AGBL1: variants seen among roughly 807,000 people sequenced by gnomAD.
AGBL1 encodes the protein AGBL carboxypeptidase 1, also known as cytosolic carboxypeptidase 4.
In AGBL1, 130 loss-of-function variants were observed where a neutral mutation model predicts 118.9. The ratio of observed to expected loss-of-function variants is 1.09; its 90% CI spans 0.95 to 1.26. AGBL1 has a LOEUF of 1.26. AGBL1 is among the 50% of genes most tolerant of loss of function. The probability of loss-of-function intolerance (pLI) is 0.00; values close to 1 mark genes in which losing one functional copy is unlikely to be tolerated. For synonymous variants in AGBL1, 555 were observed against 478.9 expected, an observed-to-expected ratio of 1.16 and a Z score of -2.08; for missense variants, 1,584 against 1,298.1, an observed-to-expected ratio of 1.22 and a Z score of -3.38.
chr15:86,824,014 G>C (rs764668911), intron 22 of AGBL1, among the ~76,000 whole-genome samples: 4 of 151,946 alleles, frequency 2.6e-5, no homozygotes, highest in Non-Finnish European at 5.9e-5. Context: ...TGATGATTGG[G>C]AACAAGGCAA....
chr15:86,460,854 T>C (rs2082326238), intron 18 of AGBL1, among the ~76,000 whole-genome samples: 2 of 152,184 alleles, frequency 1.3e-5, no homozygotes, highest in Admixed American at 1.3e-4. Context: ...CTCCAGTTCT[T>C]GTCTGTATAC....
At chr15:86,205,117 C>T (rs1203094513) in intron 5 of AGBL1, among the ~76,000 whole-genome samples, 1 of 152,170 alleles carries the variant, frequency 6.6e-6, no homozygotes, top group Admixed American at 6.5e-5. Flanking sequence ...GGGGTAATGT[C>T]ATCCTTTTCT....
intron 5 of AGBL1, among the ~76,000 whole-genome samples, chr15:86,179,606 G>A (rs758433040): frequency 1.1e-4 from 17 of 151,924 alleles, no homozygotes; most frequent in Non-Finnish European, 2.1e-4. Flanking sequence ...CATACTTCAT[G>A]GTTAAAAGAC....
At chr15:86,464,634 G>C (rs921625390) in intron 18 of AGBL1, among the ~76,000 whole-genome samples, 3 of 152,148 alleles carry the variant, frequency 2.0e-5, no homozygotes, top group Non-Finnish European at 4.4e-5. Flanking sequence ...AGTTTATTGA[G>C]AGTTTTTAGC....
chr15:86,897,876 C>T (rs548549490), intron 22 of AGBL1, among the ~76,000 whole-genome samples: 1 of 146,562 alleles, frequency 6.8e-6, no homozygotes, highest in South Asian at 2.2e-4. Context: ...CTCAGGTGAT[C>T]CTCCCACCTC....
chr15:86,981,070 A>G (rs1330063830), intron 23 of AGBL1, among the ~76,000 whole-genome samples: 1 of 151,966 alleles, frequency 6.6e-6, no homozygotes, highest in African/African-American at 2.4e-5. Flanking sequence ...TATTTTCAGT[A>G]GAGACAGGGT....
At chr15:86,935,523 A>G (rs2141643049) in intron 23 of AGBL1, among the ~76,000 whole-genome samples, 1 of 152,308 alleles carries the variant, frequency 6.6e-6, no homozygotes, top group Non-Finnish European at 1.5e-5. Flanking sequence ...GCTGGGGCAC[A>G]CAGCCTTCTT....
chr15:87,003,017 G>A (rs2081456917), intron 24 of AGBL1, among the ~76,000 whole-genome samples: 1 of 152,150 alleles, frequency 6.6e-6, no homozygotes, highest in Non-Finnish European at 1.5e-5. Context: ...ACACTATGTT[G>A]AATAGGAGTG....
intron 22 of AGBL1, among the ~76,000 whole-genome samples, chr15:86,779,076 C>T (rs2078296788): frequency 6.6e-6 from 1 of 152,178 alleles, no homozygotes; most frequent in South Asian, 2.1e-4. Flanking sequence ...TATGCACATC[C>T]CAGAAGTCTC....
chr15:86,930,032 C>T (rs936559981), intron 23 of AGBL1, among the ~76,000 whole-genome samples: 10 of 152,140 alleles, frequency 6.6e-5, no homozygotes, highest in African/African-American at 1.4e-4. Flanking sequence ...CAACAATCCA[C>T]GCTTGCTTGC....
intron 17 of AGBL1, among the ~76,000 whole-genome samples, chr15:86,358,506 C>A (rs1328078288): frequency 6.6e-6 from 1 of 151,962 alleles, no homozygotes; most frequent in Non-Finnish European, 1.5e-5. Context: ...GCAGATATCT[C>A]TTTGAGATCC....
chr15:86,410,540 C>T (rs2081592657), intron 18 of AGBL1, among the ~76,000 whole-genome samples: 1 of 151,702 alleles, frequency 6.6e-6, no homozygotes, highest in African/African-American at 2.4e-5. Flanking sequence ...CTAACCACTG[C>T]ACCTCACTTG....
intron 22 of AGBL1, among the ~76,000 whole-genome samples, chr15:86,675,243 T>C (rs1360343375): frequency 2.0e-5 from 3 of 152,100 alleles, no homozygotes; most frequent in Non-Finnish European, 4.4e-5. Context: ...TGAGGAGGCA[T>C]CTGGTCGTGC....
intron 16 of AGBL1, among the ~76,000 whole-genome samples, chr15:86,286,705 G>GTA (rs2079454450): frequency 8.7e-6 from 1 of 114,826 alleles, no homozygotes; most frequent in Non-Finnish European, 1.9e-5. Flanking sequence ...ATGTGTGTGT[G>GTA]TATATATATG....
rs144545754 is a variant in AGBL1, at chr15:86,423,603, G to A, written c.2555+26057G>A. Among the ~76,000 whole-genome samples, 482 of 152,272 alleles carry A rather than the reference G, an allele frequency of 3.2e-3. 1 individual carries two copies. Among genetic ancestry groups the A allele is most frequent in the African/African-American group, 0.011 (455 of 41,564 alleles). On this transcript the variant is annotated intron_variant, in intron 18 of 22. Coordinates refer to ENST00000614907, the MANE Select transcript of AGBL1 (RefSeq NM_001386094.1). The stretch of plus-strand genomic sequence containing the variant: ...GAAGAGAGGAAGTCAAATTGTCTCT[G>A]TTTGCAGATGACATGATTGTATATA...
At chr15:86,157,847 G>A (rs2141702904) in intron 4 of AGBL1, among the ~76,000 whole-genome samples, 1 of 152,280 alleles carries the variant, frequency 6.6e-6, no homozygotes, top group East Asian at 1.9e-4. Flanking sequence ...AGCTGCCGGA[G>A]CTCTAACCTC....
chr15:86,769,979 C>T (rs1310291875), intron 22 of AGBL1, among the ~76,000 whole-genome samples: 5 of 151,952 alleles, frequency 3.3e-5, no homozygotes, highest in Non-Finnish European at 5.9e-5. Context: ...CGCTGGGCTC[C>T]TCAACCCAAT....
chr15:86,473,851 G>A (rs17674184), intron 18 of AGBL1, among the ~76,000 whole-genome samples: 6,234 of 152,098 alleles, frequency 0.041, 185 homozygotes, highest in East Asian at 0.091. Context: ...GCTGGATTGA[G>A]CCTCTGGAAA....
intron 21 of AGBL1, among the ~76,000 whole-genome samples, chr15:86,616,995 C>T (rs2084737406): frequency 6.6e-6 from 1 of 152,134 alleles, no homozygotes; most frequent in South Asian, 2.1e-4. Flanking sequence ...AATCCTTTAC[C>T]ATCACAAACA....
Sources: gnomAD v4.1 joint callset for allele counts (sites outside exome capture counted in the v4.1 genomes callset) on GRCh38, gnomAD v4.1.1 for gene constraint, MANE v1.5 for transcripts, NCBI Gene and HGNC (gene_info 2026-07-23, HGNC 2026-07-21) for gene names.